Variants in MACROD2 observed in about 807,000 individuals in gnomAD.
MACROD2 encodes mono-ADP ribosylhydrolase 2, also known as ADP-ribose glycohydrolase MACROD2.
In MACROD2, 36 loss-of-function variants were observed where a neutral mutation model predicts 70.4. The ratio of observed to expected loss-of-function variants is 0.51; its 90% CI spans 0.39 to 0.68. The LOEUF (loss-of-function observed/expected upper bound fraction) is 0.68. Among genes scored for constraint, MACROD2 ranks in the 30% least tolerant of loss-of-function variants. The pLI is 0.00. For synonymous variants in MACROD2, 172 were observed against 178.8 expected (o/e 0.96, Z 0.30); for missense variants, 496 against 538.4 (o/e 0.92, Z 0.78).
intron 5 of MACROD2, among the ~76,000 whole-genome samples, chr20:14,984,744 A>C (rs1052197927): frequency 6.6e-6 from 1 of 152,168 alleles, no homozygotes; most frequent in Non-Finnish European, 1.5e-5. Flanking sequence ...ATAAGAATGA[A>C]GCACTGAAGT....
At chr20:14,236,871 A>G (rs2081878569) in intron 3 of MACROD2, among the ~76,000 whole-genome samples, 1 of 152,164 alleles carries the variant, frequency 6.6e-6, no homozygotes, top group Admixed American at 6.5e-5. Context: ...TATTAAAAAA[A>G]TCAGTGTTTA....
chr20:14,165,625 A>G (rs1044916073), intron 3 of MACROD2, among the ~76,000 whole-genome samples: 9 of 152,208 alleles, frequency 5.9e-5, no homozygotes, highest in Admixed American at 5.9e-4. Flanking sequence ...AATAATGGAG[A>G]TACTTATACT....
chr20:15,795,933 A>G (rs1333670090), intron 8 of MACROD2, among the ~76,000 whole-genome samples: 5 of 152,154 alleles, frequency 3.3e-5, no homozygotes, highest in Admixed American at 2.0e-4. Flanking sequence ...TAGCATTTCT[A>G]TTCTCATGCT....
intron 3 of MACROD2, among the ~76,000 whole-genome samples, chr20:14,091,046 T>G (rs772643075): frequency 2.6e-5 from 4 of 152,240 alleles, no homozygotes; most frequent in African/African-American, 9.6e-5. Context: ...GTGTGTCTTC[T>G]TCTGAGAAAT....
rs139593738 is a variant in MACROD2 at position 14,810,558 on chromosome 20, C to T, written c.418+125599C>T. ...ACAAGGATGCCCTCTCTCACCACTC[C>T]TATTCAACATAGTATTGGAAGTTCT... On this transcript the variant is annotated intron_variant, in intron 5 of 17. Coordinates refer to ENST00000684519, the MANE Select transcript of MACROD2 (RefSeq NM_001351661.2). Among the ~76,000 whole-genome samples, 55 of 152,234 alleles carry T rather than the reference C, an allele frequency of 3.6e-4. No individual in the cohort carries two copies. In the East Asian group the frequency reaches 8.9e-3, roughly 25 times the overall value.
chr20:14,984,641 G>A (rs904212258), intron 5 of MACROD2, among the ~76,000 whole-genome samples: 1 of 152,196 alleles, frequency 6.6e-6, no homozygotes, highest in Non-Finnish European at 1.5e-5. Context: ...ATTAGCACAG[G>A]TCTGATGGAT....
chr20:15,826,926 T>C (rs1484859875), intron 8 of MACROD2, among the ~76,000 whole-genome samples: 1 of 152,170 alleles, frequency 6.6e-6, no homozygotes. Flanking sequence ...CCAGTACTAG[T>C]GAACAGTTAA....
chr20:15,949,311 T>A (rs2065872771), intron 12 of MACROD2, among the ~76,000 whole-genome samples: 1 of 152,204 alleles, frequency 6.6e-6, no homozygotes, highest in Non-Finnish European at 1.5e-5. Flanking sequence ...TTATTACATT[T>A]ATTTGCTGGC....
chr20:14,561,835 T>A (rs1979453100), intron 4 of MACROD2, among the ~76,000 whole-genome samples: 1 of 151,876 alleles, frequency 6.6e-6, no homozygotes, highest in African/African-American at 2.4e-5. Context: ...AACTGTACTC[T>A]GCATGTCATA....
intron 8 of MACROD2, among the ~76,000 whole-genome samples, chr20:15,680,139 TA>T (rs1323700364): frequency 1.3e-5 from 2 of 152,050 alleles, no homozygotes; most frequent in African/African-American, 4.8e-5. Context: ...CCTGGTCTCA[TA>T]AAAAAAGTGC....
At chr20:15,921,759 G>A (rs1050843993) in intron 10 of MACROD2, among the ~76,000 whole-genome samples, 6 of 152,236 alleles carry the variant, frequency 3.9e-5, no homozygotes. Context: ...AGATTCAAGG[G>A]CCAGCAGTTG....
intron 8 of MACROD2, among the ~76,000 whole-genome samples, chr20:15,598,859 C>T (rs1031601190): frequency 6.6e-6 from 1 of 152,164 alleles, no homozygotes; most frequent in Admixed American, 6.5e-5. Flanking sequence ...ATTCATACTA[C>T]AAAATTAGTC....
chr20:15,350,494 A>G (rs2078216208), intron 6 of MACROD2, among the ~76,000 whole-genome samples: 4 of 152,218 alleles, frequency 2.6e-5, no homozygotes, highest in Admixed American at 1.3e-4. Flanking sequence ...AAATATTCCC[A>G]TAACCTTTAA....
In MACROD2 at chr20:15,656,307, A is replaced by T. The variant is rs148408387; in HGVS notation, c.645+156460A>T. ...AAGAGTCAGGCTGTATGAATTCCAG[A>T]GTCTTAAATTCCTTTAGCTATGCCC... On this transcript the variant is annotated intron_variant, in intron 8 of 17. Transcript: ENST00000684519. Among the ~76,000 whole-genome samples the T allele has an allele frequency of 9.5e-4, 145 of 152,362 alleles. 2 individuals are homozygous for T. In the East Asian group the frequency reaches 0.011, roughly 12 times the overall value.
intron 4 of MACROD2, among the ~76,000 whole-genome samples, chr20:14,648,935 G>C (rs550335253): frequency 2.6e-5 from 4 of 152,096 alleles, no homozygotes; most frequent in Admixed American, 6.6e-5. Context: ...GCAATAAATA[G>C]GTAAAATCCA....
chr20:15,106,259 G>A (rs1224462768), intron 5 of MACROD2, among the ~76,000 whole-genome samples: 1 of 152,002 alleles, frequency 6.6e-6, no homozygotes, highest in Non-Finnish European at 1.5e-5. Flanking sequence ...TTTATATGTG[G>A]TATTTCAATT....
chr20:15,315,093 C>G (rs2077794621), intron 6 of MACROD2, among the ~76,000 whole-genome samples: 1 of 151,910 alleles, frequency 6.6e-6, no homozygotes, highest in Non-Finnish European at 1.5e-5. Flanking sequence ...GGAAGTGGGT[C>G]AATTAAAATG....
At chr20:15,717,435 C>T (rs1438676796) in intron 8 of MACROD2, among the ~76,000 whole-genome samples, 1 of 152,160 alleles carries the variant, frequency 6.6e-6, no homozygotes, top group Non-Finnish European at 1.5e-5. Context: ...ACTATGTATT[C>T]ATATAACTGC....
At chr20:14,025,627 G>A (rs2053152186) in intron 2 of MACROD2, among the ~76,000 whole-genome samples, 1 of 152,174 alleles carries the variant, frequency 6.6e-6, no homozygotes, top group African/African-American at 2.4e-5. Flanking sequence ...GGAGCAGGTT[G>A]TTTAGTTTCC....
Sources: gnomAD v4.1 joint callset for allele counts (sites outside exome capture counted in the v4.1 genomes callset) on GRCh38, gnomAD v4.1.1 for gene constraint, MANE v1.5 for transcripts, NCBI Gene and HGNC (gene_info 2026-07-23, HGNC 2026-07-21) for gene names.